RHOH: variants seen among roughly 807,000 people sequenced by gnomAD.
RHOH encodes the protein rho-related GTP-binding protein RhoH.
Under a neutral mutation model 13.8 loss-of-function variants are expected in RHOH, and 6 were observed. The observed-to-expected ratio is 0.44, with a 90% CI of 0.24 to 0.86. The LOEUF (loss-of-function observed/expected upper bound fraction) is 0.86. Ranked by LOEUF, RHOH falls within the 40% of genes least tolerant of loss-of-function variation. The probability of loss-of-function intolerance (pLI) is 0.24; values close to 1 mark genes in which losing one functional copy is unlikely to be tolerated. For missense variants in RHOH, 147 were observed against 244.5 expected, an observed-to-expected ratio of 0.60 and a Z score of 2.66; for synonymous variants, 117 against 103.0, an observed-to-expected ratio of 1.14 and a Z score of -0.82.
rs1199848499 is a variant in RHOH at position 40,246,327 on chromosome 4, A to G, written c.*2365A>G. On this transcript the variant is annotated 3_prime_UTR_variant, in exon 3 of 3. Coordinates refer to ENST00000381799, the MANE Select transcript of RHOH (RefSeq NM_004310.5). Reference sequence around the variant, plus strand: ...GGAAGGGCCACCATACATGATCCTAAGTGAAGGAAGAGGAGGTGGTTCCAC... The same window carrying G: ...GGAAGGGCCACCATACATGATCCTAGGTGAAGGAAGAGGAGGTGGTTCCAC... 1.3e-5 allele frequency: 2 copies of G among 152,388 alleles called. No individual in the cohort carries two copies. The highest frequency in any genetic ancestry group is 2.9e-5 in the Non-Finnish European group (2 of 68,130). 9.4% of individuals were successfully genotyped at this position (152,388 alleles called of 1,614,324 possible).
At chr4:40,224,564 C>A (rs1726997672) in intron 1 of RHOH, among the ~76,000 whole-genome samples, 1 of 152,170 alleles carries the variant, frequency 6.6e-6, no homozygotes, top group East Asian at 1.9e-4. Context: ...AGTAATAAAA[C>A]CAGTGTGGGT....
At chr4:40,227,361 A>G (rs1481256952) in intron 1 of RHOH, among the ~76,000 whole-genome samples, 1 of 152,218 alleles carries the variant, frequency 6.6e-6, no homozygotes, top group African/African-American at 2.4e-5. Flanking sequence ...GGGCTATACA[A>G]TGTAGGCATA....
chr4:40,234,727 A>C (rs1407926541), intron 1 of RHOH, among the ~76,000 whole-genome samples: 5 of 149,752 alleles, frequency 3.3e-5, no homozygotes, highest in Non-Finnish European at 5.9e-5. Flanking sequence ...CTTATGTTAA[A>C]AGTTGCAAAT....
intron 1 of RHOH, among the ~76,000 whole-genome samples, chr4:40,233,043 T>C (rs1423932933): frequency 6.6e-6 from 1 of 152,166 alleles, no homozygotes; most frequent in African/African-American, 2.4e-5. Flanking sequence ...CCAGGCACTG[T>C]TTTAGGCTCA....
At chr4:40,233,925 C>CAAATA (rs5857719) in intron 1 of RHOH, among the ~76,000 whole-genome samples, 22,372 of 144,930 alleles carry the variant, frequency 0.15, 2,018 homozygotes, top group South Asian at 0.23. Flanking sequence ...TACTCCCTCT[C>CAAATA]AAATAAAATA....
chr4:40,193,439 A>C (rs1722811271), upstream of RHOH, among the ~76,000 whole-genome samples: 1 of 126,862 alleles, frequency 7.9e-6, no homozygotes, highest in African/African-American at 3.0e-5. Context: ...TCCCCTCACC[A>C]CTACCCCTGT....
At chr4:40,197,518 A>T (rs1323635570) in intron 1 of RHOH, among the ~76,000 whole-genome samples, 1 of 152,286 alleles carries the variant, frequency 6.6e-6, no homozygotes, top group Admixed American at 6.5e-5. Context: ...TGAAACATGA[A>T]AAGTTACAAT....
At chr4:40,206,516 G>T (rs904212982) in intron 1 of RHOH, among the ~76,000 whole-genome samples, 1 of 152,072 alleles carries the variant, frequency 6.6e-6, no homozygotes, top group African/African-American at 2.4e-5. Context: ...GGGCCTAAAA[G>T]TCCCCTTTGG....
At chr4:40,232,192 G>A (rs1467001798) in intron 1 of RHOH, among the ~76,000 whole-genome samples, 1 of 151,940 alleles carries the variant, frequency 6.6e-6, no homozygotes, top group African/African-American at 2.4e-5. Flanking sequence ...AAAGAGGTTA[G>A]TAACATTTAA....
At chr4:40,198,748 C>T (rs957469134) in intron 1 of RHOH, among the ~76,000 whole-genome samples, 2 of 152,214 alleles carry the variant, frequency 1.3e-5, no homozygotes, top group Non-Finnish European at 2.9e-5. Context: ...TGGCCTTCCT[C>T]TTGGGAGAAC....
upstream of RHOH, among the ~76,000 whole-genome samples, chr4:40,196,004 C>A (rs748510690): frequency 3.9e-5 from 6 of 152,192 alleles, no homozygotes; most frequent in Admixed American, 1.3e-4. Context: ...CACCTCAGGG[C>A]CTTTGCACAT....
intron 1 of RHOH, among the ~76,000 whole-genome samples, chr4:40,221,155 C>T (rs1560700554): frequency 6.6e-6 from 1 of 152,158 alleles, no homozygotes; most frequent in Non-Finnish European, 1.5e-5. Flanking sequence ...TGAGAATTCC[C>T]AGTAAATCTC....
chr4:40,217,768 T>G (rs191062335), intron 1 of RHOH, among the ~76,000 whole-genome samples: 1 of 152,340 alleles, frequency 6.6e-6, no homozygotes, highest in Admixed American at 6.5e-5. Flanking sequence ...GGCAAATTAA[T>G]TCCACAAGGA....
At chr4:40,198,216 G>A (rs1423067533) in intron 1 of RHOH, among the ~76,000 whole-genome samples, 1 of 152,178 alleles carries the variant, frequency 6.6e-6, no homozygotes, top group Non-Finnish European at 1.5e-5. Flanking sequence ...GGAAGATCTG[G>A]GCTTTGGAAG....
At chr4:40,224,574 T>A (rs1364802678) in intron 1 of RHOH, among the ~76,000 whole-genome samples, 1 of 152,230 alleles carries the variant, frequency 6.6e-6, no homozygotes, top group Non-Finnish European at 1.5e-5. Context: ...CCAGTGTGGG[T>A]CTGTTTTTTA....
At chr4:40,201,719 C>A (rs1056241663) in intron 1 of RHOH, among the ~76,000 whole-genome samples, 1 of 151,842 alleles carries the variant, frequency 6.6e-6, no homozygotes, top group South Asian at 2.1e-4. Context: ...TACTGAGGAA[C>A]TGTGTAAAAT....
chr4:40,240,596 G>A (rs1271467114), intron 1 of RHOH, among the ~76,000 whole-genome samples: 1 of 151,212 alleles, frequency 6.6e-6, no homozygotes, highest in Non-Finnish European at 1.5e-5. Context: ...TGGCAACATG[G>A]TGAAACCCTG....
upstream of RHOH, among the ~76,000 whole-genome samples, chr4:40,194,761 A>T (rs1722955069): frequency 6.6e-6 from 1 of 151,904 alleles, no homozygotes; most frequent in African/African-American, 2.4e-5. Flanking sequence ...CTCCTGCTGC[A>T]CTCTCCCTGC....
chr4:40,243,632 C>T lies in RHOH; in HGVS notation c.246C>T (p.Cys82=). The T allele has an allele frequency of 6.2e-7, 1 of 1,614,200 alleles. No homozygotes were observed. Among genetic ancestry groups the T allele is most frequent in the Non-Finnish European group, 8.5e-7 (1 of 1,180,040 alleles). Residue 82 remains cysteine (C), a synonymous_variant, in exon 3 of 3, where the codon TGC becomes TGT. Transcript: ENST00000381799. The surrounding 1 kb of genome is among the most constrained non-coding windows in gnomAD (Gnocchi z 6.2). ...AGCAGGCAGACGTGGTGCTGATGTGCTACTCTGTGGCCAACCATAACTCAT... is the reference window on the plus strand; with the variant it reads ...AGCAGGCAGACGTGGTGCTGATGTGTTACTCTGTGGCCAACCATAACTCAT... The part of the protein sequence containing the change: ...SYQQADVVLM[C]YSVANHNSFL...
Sources: gnomAD v4.1 joint callset for allele counts (sites outside exome capture counted in the v4.1 genomes callset) on GRCh38, gnomAD v4.1.1 for gene constraint, Gnocchi (gnomAD v3.1) non-coding constraint, MANE v1.5 for transcripts, NCBI Gene and HGNC (gene_info 2026-07-23, HGNC 2026-07-21) for gene names.